Variants in FSTL4 observed in about 807,000 individuals in gnomAD.
FSTL4 encodes follistatin-related protein 4.
In FSTL4, 28 loss-of-function variants were observed where a neutral mutation model predicts 78.2. The observed-to-expected ratio is 0.36, with a 90% CI of 0.27 to 0.49. The LOEUF is 0.49. Ranked by LOEUF, FSTL4 falls within the 20% of genes least tolerant of loss-of-function variation. The pLI, the probability that FSTL4 is intolerant of heterozygous loss-of-function variation, is 0.98. For missense variants in FSTL4, 922 were observed against 1,084.9 expected (o/e 0.85, Z 2.11); for synonymous variants, 422 against 440.5 (o/e 0.96, Z 0.53).
At chr5:133,812,825 T>A in the FSTL4 span, among the ~76,000 whole-genome samples, 1 of 152,246 alleles carries the variant, frequency 6.6e-6, no homozygotes, top group Non-Finnish European at 1.5e-5. Flanking sequence ...CTCAGGAAAG[T>A]GCCTAGCACT....
At position 133,603,918 on chromosome 5, in the gene FSTL4, T is replaced by C. The variant is rs921361770; in HGVS notation, c.66A>G (p.Gly22=). Reference sequence around the variant, plus strand: ...CTCTGCTGGTTCCTGGGTCCATCCATCCCAGCGCAGCCGGCAGGGAGGCTC... The same window carrying C: ...CTCTGCTGGTTCCTGGGTCCATCCACCCCAGCGCAGCCGGCAGGGAGGCTC... The part of the protein sequence containing the change: ...LLGASLPAAL[G]WMDPGTSRGP... Residue 22 remains glycine (G), a synonymous_variant, in exon 2 of 16, where the codon GGA becomes GGG. Transcript: ENST00000265342. The C allele has an allele frequency of 7.4e-6, 12 of 1,613,952 alleles. No individual in the cohort carries two copies. In the South Asian group the frequency reaches 1.3e-4, roughly 18 times the overall value.
intron 6 of FSTL4, among the ~76,000 whole-genome samples, chr5:133,266,206 G>A (rs1234055609): frequency 6.6e-6 from 1 of 152,226 alleles, no homozygotes; most frequent in African/African-American, 2.4e-5. Flanking sequence ...CAGGCGTGGG[G>A]GCCCCTGTGG....
At chr5:133,409,313 TG>T (rs962978870) in intron 3 of FSTL4, among the ~76,000 whole-genome samples, 1 of 152,224 alleles carries the variant, frequency 6.6e-6, no homozygotes, top group African/African-American at 2.4e-5. Context: ...TCCCCTGACC[TG>T]GGCCCAATGC....
intron 4 of FSTL4, among the ~76,000 whole-genome samples, chr5:133,399,979 T>C (rs1756176995): frequency 6.6e-6 from 1 of 152,266 alleles, no homozygotes. Flanking sequence ...ACCCAGGATG[T>C]GCATTCTGAC....
the FSTL4 span, among the ~76,000 whole-genome samples, chr5:133,689,198 T>A: frequency 2.0e-5 from 3 of 152,148 alleles, no homozygotes; most frequent in Non-Finnish European, 4.4e-5. Flanking sequence ...ACCTCTTCAA[T>A]CTGCCCTTGC....
chr5:133,403,828 G>A (rs1216590035), intron 3 of FSTL4, among the ~76,000 whole-genome samples: 1 of 152,128 alleles, frequency 6.6e-6, no homozygotes, highest in Admixed American at 6.5e-5. Flanking sequence ...ATGGGGGGCT[G>A]GGGGGAGAAG....
At chr5:133,232,826 C>A (rs1169134049) in intron 8 of FSTL4, among the ~76,000 whole-genome samples, 1 of 152,202 alleles carries the variant, frequency 6.6e-6, no homozygotes, top group African/African-American at 2.4e-5. Context: ...CTACTGTCAT[C>A]AGGAGGCAGT....
intron 4 of FSTL4, among the ~76,000 whole-genome samples, chr5:133,330,118 C>T (rs74449712): frequency 0.04 from 6,134 of 152,280 alleles, 270 homozygotes; most frequent in African/African-American, 0.11. Flanking sequence ...TAGGGTTCCA[C>T]GTGTAGGTGC....
chr5:133,725,908 T>C, the FSTL4 span, among the ~76,000 whole-genome samples: 1 of 152,124 alleles, frequency 6.6e-6, no homozygotes, highest in East Asian at 1.9e-4. Context: ...GGAATTCTGT[T>C]AGCACCTTTG....
At chr5:133,689,214 T>C in the FSTL4 span, among the ~76,000 whole-genome samples, 2 of 152,184 alleles carry the variant, frequency 1.3e-5, no homozygotes, top group Admixed American at 1.3e-4. Flanking sequence ...CTTGCCTTAG[T>C]TCCACAACAA....
chr5:133,465,329 A>G (rs559638478), intron 3 of FSTL4, among the ~76,000 whole-genome samples: 13 of 152,282 alleles, frequency 8.5e-5, no homozygotes, highest in African/African-American at 2.6e-4. Context: ...GATTTAACCC[A>G]TATTAGTCTC....
the FSTL4 span, among the ~76,000 whole-genome samples, chr5:133,804,829 A>G: frequency 6.6e-6 from 1 of 151,346 alleles, no homozygotes; most frequent in Non-Finnish European, 1.5e-5. Context: ...CTGTAGTCCC[A>G]GCTACTCGGG....
chr5:133,403,504 G>A (rs78796419), intron 3 of FSTL4, among the ~76,000 whole-genome samples: 2,604 of 152,290 alleles, frequency 0.017, 32 homozygotes, highest in Middle Eastern at 0.031. Flanking sequence ...GTATACTCAG[G>A]TTTTAAGAAA....
At chr5:133,656,492 G>A in the FSTL4 span, among the ~76,000 whole-genome samples, 1 of 152,138 alleles carries the variant, frequency 6.6e-6, no homozygotes, top group Non-Finnish European at 1.5e-5. Context: ...TGGGAGTCTG[G>A]CTGAACACAT....
chr5:133,676,365 C>T, the FSTL4 span, among the ~76,000 whole-genome samples: 24 of 152,204 alleles, frequency 1.6e-4, no homozygotes, highest in South Asian at 2.3e-3. Context: ...ATAACAATAC[C>T]TTTTGTTAAG....
At chr5:133,653,803 CACAT>C in the FSTL4 span, among the ~76,000 whole-genome samples, 2 of 152,322 alleles carry the variant, frequency 1.3e-5, no homozygotes, top group Admixed American at 1.3e-4. Flanking sequence ...TCTGAATAAA[CACAT>C]GCACACACTC....
At chr5:133,305,407 C>G (rs1753633736) in intron 6 of FSTL4, among the ~76,000 whole-genome samples, 1 of 152,234 alleles carries the variant, frequency 6.6e-6, no homozygotes, top group Non-Finnish European at 1.5e-5. Context: ...AGTCAAGCCC[C>G]TTGTCCCTTG....
At chr5:133,717,621 G>T in the FSTL4 span, among the ~76,000 whole-genome samples, 2 of 152,236 alleles carry the variant, frequency 1.3e-5, no homozygotes, top group East Asian at 3.9e-4. Flanking sequence ...TGCTTTCTGT[G>T]GCCATAGATT....
the FSTL4 span, among the ~76,000 whole-genome samples, chr5:133,832,992 A>G: frequency 6.6e-6 from 1 of 152,198 alleles, no homozygotes; most frequent in South Asian, 2.1e-4. Context: ...TGAATGTTTA[A>G]AAAAAACCCT....
Sources: gnomAD v4.1 joint callset for allele counts (sites outside exome capture counted in the v4.1 genomes callset) on GRCh38, gnomAD v4.1.1 for gene constraint, MANE v1.5 for transcripts, NCBI Gene and HGNC (gene_info 2026-07-23, HGNC 2026-07-21) for gene names.